The following GPHN variants were observed in gnomAD, a reference collection of about 807,000 sequenced individuals.
The protein encoded by GPHN is gephyrin.
A neutral mutation model predicts 95.5 loss-of-function variants in GPHN; 17 were observed. That is an observed-to-expected ratio of 0.18 (90% CI 0.12 to 0.27). The LOEUF (loss-of-function observed/expected upper bound fraction) is 0.27, where lower values mean the gene tolerates loss of function less well. Ranked by LOEUF, GPHN falls within the 10% of genes least tolerant of loss-of-function variation. The pLI is 1.00. For missense variants in GPHN, 660 were observed against 978.1 expected, an observed-to-expected ratio of 0.67 and a Z score of 4.34; for synonymous variants, 320 against 322.5, an observed-to-expected ratio of 0.99 and a Z score of 0.08.
intron 8 of GPHN, 104 bp from the exon 9 acceptor site, chr14:66,965,087 A>G (rs1454137428): frequency 2.2e-6 from 2 of 906,986 alleles, no homozygotes; most frequent in Non-Finnish European, 3.7e-6. Context: ...GACACCAAAT[A>G]TGTCAGAGCT....
At chr14:66,635,504 C>T (rs2064048666) in intron 1 of GPHN, among the ~76,000 whole-genome samples, 1 of 151,866 alleles carries the variant, frequency 6.6e-6, no homozygotes, top group Non-Finnish European at 1.5e-5. Flanking sequence ...AAGGGAAATC[C>T]CAGATTTAAG....
At chr14:66,643,843 T>C (rs1318858151) in intron 1 of GPHN, among the ~76,000 whole-genome samples, 2 of 151,924 alleles carry the variant, frequency 1.3e-5, no homozygotes, top group African/African-American at 4.8e-5. Flanking sequence ...TTATTCTTTT[T>C]CTTATGTAGA....
chr14:67,288,317 G>A, the GPHN span, among the ~76,000 whole-genome samples: 84 of 152,162 alleles, frequency 5.5e-4, no homozygotes, highest in African/African-American at 2.0e-3. Context: ...CCTGACCTCA[G>A]GTGATCTGCC....
intron 5 of GPHN, among the ~76,000 whole-genome samples, chr14:66,881,841 C>T (rs1226058296): frequency 6.6e-6 from 1 of 151,740 alleles, no homozygotes; most frequent in Non-Finnish European, 1.5e-5. Flanking sequence ...ATCCTGAAGG[C>T]TTTGAAAATT....
intron 8 of GPHN, among the ~76,000 whole-genome samples, chr14:66,927,343 C>T (rs1350834537): frequency 2.4e-5 from 3 of 122,974 alleles, no homozygotes; most frequent in African/African-American, 1.3e-4. Flanking sequence ...AGCAAGACTC[C>T]ATCTCAAAAA....
chr14:67,674,133 G>A, the GPHN span, among the ~76,000 whole-genome samples: 1 of 152,194 alleles, frequency 6.6e-6, no homozygotes, highest in Non-Finnish European at 1.5e-5. Context: ...ATTTGCCACA[G>A]TGAAAAAAGA....
chr14:66,557,721 C>T (rs1384464243), intron 1 of GPHN, among the ~76,000 whole-genome samples: 2 of 151,990 alleles, frequency 1.3e-5, no homozygotes, highest in Non-Finnish European at 2.9e-5. Flanking sequence ...CTGTATGTTC[C>T]CCTCTGGATT....
downstream of GPHN, among the ~76,000 whole-genome samples, chr14:67,184,319 C>T (rs184077662): frequency 1.1e-4 from 16 of 152,198 alleles, no homozygotes; most frequent in Non-Finnish European, 1.8e-4. Flanking sequence ...TGATCAGGGA[C>T]GTATCATGAT....
chr14:67,184,695 A>T (rs1192228089), downstream of GPHN, among the ~76,000 whole-genome samples: 2 of 152,166 alleles, frequency 1.3e-5, no homozygotes, highest in African/African-American at 4.8e-5. Context: ...GCTAAGATAG[A>T]CATGTCCCAT....
chr14:66,609,997 G>T (rs2062712123), intron 1 of GPHN, among the ~76,000 whole-genome samples: 1 of 152,128 alleles, frequency 6.6e-6, no homozygotes, highest in Non-Finnish European at 1.5e-5. Context: ...GAAAGAAGAG[G>T]ACAGTGACTT....
chr14:67,302,137 G>A, the GPHN span: 1 of 1,572,638 alleles, frequency 6.4e-7, no homozygotes, highest in South Asian at 1.2e-5. Flanking sequence ...CCCACATACT[G>A]TTTTTAAACA....
At chr14:66,861,401 A>G (rs1031324687) in intron 4 of GPHN, among the ~76,000 whole-genome samples, 5 of 152,110 alleles carry the variant, frequency 3.3e-5, no homozygotes, top group African/African-American at 1.2e-4. Flanking sequence ...TAATAACTGG[A>G]GACTTCAACA....
intron 11 of GPHN, among the ~76,000 whole-genome samples, chr14:67,080,272 TGTTGA>T (rs917724024): frequency 2.0e-5 from 3 of 152,100 alleles, no homozygotes; most frequent in Non-Finnish European, 4.4e-5. Flanking sequence ...GATTTTTTGT[TGTTGA>T]GTTGTAAGAG....
the GPHN span, among the ~76,000 whole-genome samples, chr14:67,517,167 A>C: frequency 2.0e-5 from 3 of 152,196 alleles, no homozygotes; most frequent in Non-Finnish European, 4.4e-5. Flanking sequence ...AGAAGCAGCT[A>C]GTCTAGCAGC....
the GPHN span, among the ~76,000 whole-genome samples, chr14:67,501,857 C>CA: frequency 1.3e-5 from 2 of 152,236 alleles, no homozygotes; most frequent in Admixed American, 6.5e-5. Context: ...CAAGCACATT[C>CA]ACGTTTCTAT....
the GPHN span, chr14:67,441,813 G>A: frequency 2.6e-5 from 4 of 152,078 alleles, no homozygotes; most frequent in East Asian, 2.0e-4. Context: ...CTTCGTTCTC[G>A]GACTGGAACT....
At chr14:67,307,184 G>A in the GPHN span, among the ~76,000 whole-genome samples, 51 of 152,128 alleles carry the variant, frequency 3.4e-4, no homozygotes, top group Admixed American at 9.8e-4. Context: ...TGAGTAACTG[G>A]CACATTTGAT....
chr14:67,587,378 G>A, the GPHN span: 1 of 929,550 alleles, frequency 1.1e-6, no homozygotes, highest in African/African-American at 1.6e-5. Context: ...TCTCTGTGAA[G>A]CCTTTACTCT....
the GPHN span, among the ~76,000 whole-genome samples, chr14:67,362,042 T>C: frequency 6.7e-6 from 1 of 149,330 alleles, no homozygotes; most frequent in Non-Finnish European, 1.5e-5. Context: ...CTTTTTTTTT[T>C]TGAGACAGAG....
Sources: allele counts gnomAD v4.1 joint callset (sites outside exome capture counted in the v4.1 genomes callset), GRCh38; gene constraint gnomAD v4.1.1; transcripts MANE v1.5; gene names NCBI Gene and HGNC (gene_info 2026-07-23, HGNC 2026-07-21).